TAFA5: variants seen among roughly 807,000 people sequenced by gnomAD.
TAFA5 encodes the protein chemokine-like protein TAFA-5.
Under a neutral mutation model 15.3 loss-of-function variants are expected in TAFA5, and 6 were observed. The observed-to-expected ratio is 0.39, with a 90% CI of 0.21 to 0.77. The LOEUF is 0.77. Ranked by LOEUF, TAFA5 falls within the 30% of genes least tolerant of loss-of-function variation. The probability of loss-of-function intolerance (pLI) is 0.41; values close to 1 mark genes in which losing one functional copy is unlikely to be tolerated. For missense variants in TAFA5, 161 were observed against 193.1 expected (o/e 0.83, Z 0.98); for synonymous variants, 103 against 80.7 (o/e 1.28, Z -1.48).
At chr22:48,638,498 C>T (rs947213914) in intron 1 of TAFA5, among the ~76,000 whole-genome samples, 1 of 133,026 alleles carries the variant, frequency 7.5e-6, no homozygotes, top group African/African-American at 2.9e-5. Flanking sequence ...CAACACTAAG[C>T]CCTGGGACAC....
At chr22:48,497,170 A>G (rs1231698381) in intron 1 of TAFA5, among the ~76,000 whole-genome samples, 1 of 152,178 alleles carries the variant, frequency 6.6e-6, no homozygotes, top group East Asian at 1.9e-4. Flanking sequence ...GCCAGGGACC[A>G]TGGCCCCGTT....
chr22:48,719,147 CCAGGGGCCCTGGCCTGCACACACCCG>C (rs1205198464), intron 3 of TAFA5, among the ~76,000 whole-genome samples: 2 of 152,222 alleles, frequency 1.3e-5, no homozygotes, highest in African/African-American at 4.8e-5. Flanking sequence ...ATTCCTCTCG[CCAGGGGCCCTGGCCTGCACACACCCG>C]CAGGGGCTCT....
At chr22:48,696,563 T>C (rs1381743402) in intron 2 of TAFA5, among the ~76,000 whole-genome samples, 1 of 152,220 alleles carries the variant, frequency 6.6e-6, no homozygotes, top group African/African-American at 2.4e-5. Flanking sequence ...GGCAGCCACC[T>C]GGGCTCCCAT....
At chr22:48,575,399 GGCGCGGGCCGGAGTCCGAGGCT>G (rs1398354884) in intron 1 of TAFA5, among the ~76,000 whole-genome samples, 1 of 147,640 alleles carries the variant, frequency 6.8e-6, no homozygotes, top group African/African-American at 2.4e-5. Context: ...GACGGCGGCG[GGCGCGGGCCGGAGTCCGAGGCT>G]GCGCGGGCCC....
At chr22:48,542,400 T>C (rs111066988) in intron 1 of TAFA5, among the ~76,000 whole-genome samples, 66,929 of 114,154 alleles carry the variant, frequency 0.59, 20,256 homozygotes, top group Middle Eastern at 0.71. Flanking sequence ...GGTGTGTGTG[T>C]GCGTGTGTGG....
chr22:48,533,332 G>T (rs1922037048), intron 1 of TAFA5, among the ~76,000 whole-genome samples: 1 of 152,190 alleles, frequency 6.6e-6, no homozygotes, highest in Non-Finnish European at 1.5e-5. Context: ...CAGAATTGTG[G>T]TGTCCAAGCC....
At chr22:48,701,833 A>G (rs1928916689) in intron 2 of TAFA5, among the ~76,000 whole-genome samples, 1 of 152,076 alleles carries the variant, frequency 6.6e-6, no homozygotes, top group South Asian at 2.1e-4. Context: ...CCCAGCCCGC[A>G]CTGGGCAGCG....
At chr22:48,512,897 T>C (rs1302719889) in intron 1 of TAFA5, among the ~76,000 whole-genome samples, 2 of 128,606 alleles carry the variant, frequency 1.6e-5, no homozygotes, top group Non-Finnish European at 3.1e-5. Context: ...CAGTCCAGCC[T>C]GGGCGACAGA....
intron 1 of TAFA5, among the ~76,000 whole-genome samples, chr22:48,506,632 T>A (rs1921004620): frequency 6.6e-6 from 1 of 152,138 alleles, no homozygotes; most frequent in African/African-American, 2.4e-5. Context: ...TCACCTGTGC[T>A]ACCAGGATGG....
At chr22:48,545,400 G>A (rs1922627806) in intron 1 of TAFA5, 1 of 193,416 alleles carries the variant, frequency 5.2e-6, no homozygotes, top group African/African-American at 2.3e-5. Flanking sequence ...AGACACCCAT[G>A]AGGGCAGCAA....
intron 3 of TAFA5, among the ~76,000 whole-genome samples, chr22:48,734,456 C>T (rs1014573777): frequency 9.9e-5 from 15 of 152,210 alleles, no homozygotes; most frequent in African/African-American, 1.4e-4. Context: ...GACTTTGGAA[C>T]GGAAGACTCA....
chr22:48,745,645 G>A (rs1482996994), intron 3 of TAFA5, among the ~76,000 whole-genome samples: 1 of 152,248 alleles, frequency 6.6e-6, no homozygotes, highest in South Asian at 2.1e-4. Context: ...AATTCACTCC[G>A]TCTTCAGTCT....
intron 2 of TAFA5, among the ~76,000 whole-genome samples, chr22:48,680,685 G>T (rs978457419): frequency 3.3e-5 from 5 of 152,230 alleles, no homozygotes; most frequent in Non-Finnish European, 1.5e-5. Flanking sequence ...GGTCTCTAGG[G>T]CAGAGGAGGA....
At chr22:48,678,902 T>TCCCAGCTC (rs1601665056) in intron 2 of TAFA5, among the ~76,000 whole-genome samples, 1 of 145,006 alleles carries the variant, frequency 6.9e-6, no homozygotes, top group East Asian at 2.1e-4. Flanking sequence ...TCCATCCCTC[T>TCCCAGCTC]CCCGGCTCCC....
At chr22:48,557,960 A>G (rs1017921352) in intron 1 of TAFA5, among the ~76,000 whole-genome samples, 10 of 152,184 alleles carry the variant, frequency 6.6e-5, no homozygotes, top group Non-Finnish European at 1.3e-4. Context: ...CCCATGAGAC[A>G]AGTTGGTGGA....
chr22:48,691,386 G>A (rs184258848), intron 2 of TAFA5, among the ~76,000 whole-genome samples: 103 of 152,330 alleles, frequency 6.8e-4, no homozygotes, highest in African/African-American at 2.4e-3. Context: ...CATCCTCCCG[G>A]TCTTTACTGA....
chr22:48,546,643 G>A (rs1033158628), intron 1 of TAFA5: 11 of 468,994 alleles, frequency 2.3e-5, no homozygotes, highest in African/African-American at 2.2e-4. Context: ...GGCCTGGCGA[G>A]TCCTCCTCCT....
intron 1 of TAFA5, among the ~76,000 whole-genome samples, chr22:48,575,347 G>A (rs1231475171): frequency 6.6e-6 from 1 of 150,742 alleles, no homozygotes; most frequent in Non-Finnish European, 1.5e-5. Context: ...GGTCCCTCGC[G>A]GCCCAGTGCG....
At chr22:48,538,370 C>T (rs975916956) in intron 1 of TAFA5, among the ~76,000 whole-genome samples, 2 of 152,338 alleles carry the variant, frequency 1.3e-5, no homozygotes, top group African/African-American at 4.8e-5. Flanking sequence ...GCCCCATCCT[C>T]AGGCCAGTTT....
Sources: allele counts gnomAD v4.1 joint callset (sites outside exome capture counted in the v4.1 genomes callset), GRCh38; gene constraint gnomAD v4.1.1; transcripts MANE v1.5; gene names NCBI Gene and HGNC (gene_info 2026-07-23, HGNC 2026-07-21).